PPP2R2B: variants seen among roughly 807,000 people sequenced by gnomAD.
The protein encoded by PPP2R2B is serine/threonine-protein phosphatase 2A 55 kDa regulatory subunit B beta isoform.
PPP2R2B carries 5 observed loss-of-function variants against 46.0 expected under a neutral mutation model. The ratio of observed to expected loss-of-function variants is 0.11; its 90% CI spans 0.06 to 0.23. The LOEUF (loss-of-function observed/expected upper bound fraction) is 0.23, where lower values mean the gene tolerates loss of function less well. Among genes scored for constraint, PPP2R2B ranks in the 10% least tolerant of loss-of-function variants. The pLI, the probability that PPP2R2B is intolerant of heterozygous loss-of-function variation, is 1.00. For synonymous variants in PPP2R2B, 215 were observed against 206.7 expected (o/e 1.04, Z -0.34); for missense variants, 367 against 575.0 (o/e 0.64, Z 3.70).
At chr5:146,959,486 T>C (rs1192697365) in intron 1 of PPP2R2B, among the ~76,000 whole-genome samples, 5 of 152,198 alleles carry the variant, frequency 3.3e-5, no homozygotes, top group African/African-American at 1.2e-4. Context: ...CTCCACCCAG[T>C]ACCTCACCTA....
intron 1 of PPP2R2B, among the ~76,000 whole-genome samples, chr5:147,039,894 G>C (rs1756214512): frequency 2.0e-5 from 3 of 152,192 alleles, no homozygotes; most frequent in Middle Eastern, 6.8e-3. Flanking sequence ...CTTAATAAAG[G>C]GACCAACAAA....
At chr5:146,728,896 G>C (rs1581967922) in intron 2 of PPP2R2B, among the ~76,000 whole-genome samples, 1 of 152,194 alleles carries the variant, frequency 6.6e-6, no homozygotes, top group Non-Finnish European at 1.5e-5. Flanking sequence ...TCTCAGGTAT[G>C]TCTTTATCAG....
intron 1 of PPP2R2B, among the ~76,000 whole-genome samples, chr5:147,010,573 A>G (rs963260285): frequency 8.5e-5 from 13 of 152,196 alleles, no homozygotes; most frequent in African/African-American, 2.9e-4. Flanking sequence ...TAGAGCTTAC[A>G]CTTGTATGAG....
At chr5:146,659,423 C>T (rs1020002159) in intron 5 of PPP2R2B, among the ~76,000 whole-genome samples, 1 of 152,148 alleles carries the variant, frequency 6.6e-6, no homozygotes, top group Non-Finnish European at 1.5e-5. Context: ...TGGACTTGGG[C>T]TTGGATCCTG....
At chr5:146,944,874 T>C (rs927273583) in intron 1 of PPP2R2B, among the ~76,000 whole-genome samples, 3 of 152,276 alleles carry the variant, frequency 2.0e-5, no homozygotes, top group Non-Finnish European at 4.4e-5. Context: ...CAGAGGAGTC[T>C]AATAGTTTGT....
upstream of PPP2R2B, among the ~76,000 whole-genome samples, chr5:147,057,854 T>C (rs1757138444): frequency 6.6e-6 from 1 of 152,158 alleles, no homozygotes; most frequent in Non-Finnish European, 1.5e-5. Context: ...TTAGCCTCAT[T>C]ACAGGCCTAA....
chr5:146,827,063 T>C (rs1758625383), intron 2 of PPP2R2B, among the ~76,000 whole-genome samples: 1 of 152,238 alleles, frequency 6.6e-6, no homozygotes, highest in East Asian at 1.9e-4. Context: ...CCCATTCTTT[T>C]CCCCCATTTT....
intron 1 of PPP2R2B, among the ~76,000 whole-genome samples, chr5:147,047,484 A>T (rs571946169): frequency 1.3e-5 from 2 of 152,220 alleles, no homozygotes; most frequent in South Asian, 4.1e-4. Context: ...CAGGCCAAGA[A>T]TTGATTTCTG....
At chr5:146,624,800 T>C (rs990999284) in intron 7 of PPP2R2B, among the ~76,000 whole-genome samples, 2 of 152,204 alleles carry the variant, frequency 1.3e-5, no homozygotes, top group South Asian at 4.1e-4. Context: ...GCCCTGTATG[T>C]AGCTCTTCCT....
At chr5:146,914,369 G>A (rs1053132074) in intron 1 of PPP2R2B, 1 of 152,190 alleles carries the variant, frequency 6.6e-6, no homozygotes, top group African/African-American at 2.4e-5. Context: ...TTGGGAAGCA[G>A]TGGTTAGGGT....
chr5:146,644,743 C>G (rs1425757373), intron 6 of PPP2R2B, among the ~76,000 whole-genome samples: 1 of 152,100 alleles, frequency 6.6e-6, no homozygotes, highest in African/African-American at 2.4e-5. Context: ...CTATCAGCCT[C>G]TAAGAATTTT....
intron 7 of PPP2R2B, among the ~76,000 whole-genome samples, chr5:146,615,616 A>G (rs953032503): frequency 1.3e-5 from 2 of 151,900 alleles, no homozygotes; most frequent in Admixed American, 6.6e-5. Flanking sequence ...TCAACAGCAA[A>G]TAATCTCAAG....
intron 1 of PPP2R2B, among the ~76,000 whole-genome samples, chr5:146,977,183 C>G (rs1432811853): frequency 6.6e-6 from 1 of 151,996 alleles, no homozygotes; most frequent in Non-Finnish European, 1.5e-5. Context: ...GTCCAAGCTC[C>G]CATTATATTA....
chr5:146,641,964 G>A (rs972138402), intron 6 of PPP2R2B, among the ~76,000 whole-genome samples: 2 of 152,064 alleles, frequency 1.3e-5, no homozygotes, highest in Non-Finnish European at 2.9e-5. Context: ...ATACAACCCC[G>A]ACAGCCAACA....
chr5:146,788,341 A>T (rs1461911553), intron 2 of PPP2R2B, among the ~76,000 whole-genome samples: 2 of 142,480 alleles, frequency 1.4e-5, no homozygotes, highest in African/African-American at 5.6e-5. Context: ...TGGTTTAAAG[A>T]AAAAAAAAAA....
At chr5:146,662,914 C>T (rs1776756800) in intron 5 of PPP2R2B, among the ~76,000 whole-genome samples, 2 of 151,776 alleles carry the variant, frequency 1.3e-5, no homozygotes, top group South Asian at 4.2e-4. Flanking sequence ...AAGAAAATGA[C>T]CAAGACATAG....
chr5:146,986,724 G>A (rs1410047969), intron 1 of PPP2R2B, among the ~76,000 whole-genome samples: 2 of 152,052 alleles, frequency 1.3e-5, no homozygotes, highest in Admixed American at 1.3e-4. Flanking sequence ...AGAGGGAAAA[G>A]CAAAAAGAAT....
At chr5:146,993,925 A>G (rs1022692184) in intron 1 of PPP2R2B, among the ~76,000 whole-genome samples, 1 of 152,162 alleles carries the variant, frequency 6.6e-6, no homozygotes, top group African/African-American at 2.4e-5. Context: ...TTAAGCCAGG[A>G]GTCATAAACA....
chr5:147,079,158 T>G (rs1757892246), intron 2 of PPP2R2B, among the ~76,000 whole-genome samples: 1 of 151,850 alleles, frequency 6.6e-6, no homozygotes, highest in Non-Finnish European at 1.5e-5. Flanking sequence ...ATTTGACAAT[T>G]CATCTCAAAA....
Sources: allele counts gnomAD v4.1 joint callset (sites outside exome capture counted in the v4.1 genomes callset), GRCh38; gene constraint gnomAD v4.1.1; transcripts MANE v1.5; gene names NCBI Gene and HGNC (gene_info 2026-07-23, HGNC 2026-07-21).